Variants in AMOTL2 observed in about 807,000 individuals in gnomAD.
AMOTL2 encodes the protein angiomotin like 2.
Under a neutral mutation model 78.4 loss-of-function variants are expected in AMOTL2, and 33 were observed. That is an observed-to-expected ratio of 0.42 (90% CI 0.32 to 0.56). The LOEUF (loss-of-function observed/expected upper bound fraction) is 0.56. Among genes scored for constraint, AMOTL2 ranks in the 20% least tolerant of loss-of-function variants. The pLI is 0.12. For synonymous variants in AMOTL2, 422 were observed against 428.8 expected (o/e 0.98, Z 0.20); for missense variants, 983 against 1,030.1 (o/e 0.95, Z 0.63).
intron 5 of AMOTL2, among the ~76,000 whole-genome samples, chr3:134,365,132 T>G (rs2017546457): frequency 6.6e-6 from 1 of 152,126 alleles, no homozygotes; most frequent in Non-Finnish European, 1.5e-5. Context: ...GCTCCTTTCT[T>G]AAGCTCACCA....
rs1300106451 is a variant in AMOTL2, at chr3:134,360,145, A to T, written c.1844T>A (p.Leu615Gln). Residue 615 changes from leucine (L) to glutamine (Q), a missense_variant, in exon 7 of 10, where the codon CTG becomes CAG. Transcript: ENST00000249883. The part of the protein sequence containing the change: ...PSPSSSFNEG[L>Q]LTGGHRHQEM... ...CTGATGCCTGTGGCCACCAGTGAGC[A>T]GACCCTCATTGAAGCTGCTGCTGGG... is the stretch of plus-strand genomic sequence containing the variant. The T allele has an allele frequency of 6.2e-7, 1 of 1,613,470 alleles. No homozygotes were observed. Among genetic ancestry groups the T allele is most frequent in the Non-Finnish European group, 8.5e-7 (1 of 1,179,578 alleles).
chr3:134,359,990 G>A, intron 7 of AMOTL2, 116 bp downstream of exon 7: 2 of 1,130,606 alleles, frequency 1.8e-6, no homozygotes, highest in East Asian at 2.6e-5. Context: ...GAAGCAGGAG[G>A]GACTGCTGAG....
intron 5 of AMOTL2, among the ~76,000 whole-genome samples, chr3:134,363,837 C>T (rs1318810358): frequency 6.6e-6 from 1 of 152,170 alleles, no homozygotes; most frequent in African/African-American, 2.4e-5. Context: ...AGGAAGGGGC[C>T]GGAGGACCCA....
intron 3 of AMOTL2, among the ~76,000 whole-genome samples, chr3:134,367,007 G>A (rs996323424): frequency 1.3e-5 from 2 of 152,166 alleles, no homozygotes; most frequent in Non-Finnish European, 2.9e-5. Flanking sequence ...GCTGGGCCCC[G>A]GCTGCTCCTC....
At position 134,373,927 on chromosome 3, in the gene AMOTL2, T is replaced by C. The variant is rs371612072; in HGVS notation, c.-62+415A>G. The C allele has an allele frequency of 1.6e-5, 13 of 797,902 alleles. 1 individual carries two copies. The African/African-American group carries it at 2.1e-4, about 13-fold the overall frequency. The allele number at this position is 797,902 out of a possible 1,614,324, so 49.4% of individuals were successfully genotyped here. ...GACAAAGAGGAATTCTTGGACTAGT[T>C]GGGGGCAAAGGCACCTGTAACCCCC... On this transcript the variant is annotated intron_variant, in intron 1 of 9. Coordinates refer to ENST00000249883, the MANE Select transcript of AMOTL2 (RefSeq NM_016201.4).
At chr3:134,364,038 C>T (rs2017490409) in intron 5 of AMOTL2, among the ~76,000 whole-genome samples, 1 of 152,124 alleles carries the variant, frequency 6.6e-6, no homozygotes, top group South Asian at 2.1e-4. Context: ...AGAGGACGCC[C>T]GAAGGCCAGC....
chr3:134,366,453 AAT>A (rs2017609044), intron 3 of AMOTL2, 26 bp from the exon 4 acceptor site: 2 of 1,602,382 alleles, frequency 1.2e-6, no homozygotes, highest in East Asian at 4.5e-5. Context: ...AGCAGAGCTG[AAT>A]GAAGGCGAGA....
In AMOTL2 at chr3:134,357,898, G is replaced by A. The variant is rs144497858; in HGVS notation, c.2285-135C>T. On this transcript the variant is annotated intron_variant, in intron 9 of 9. Transcript: ENST00000249883. ...TCTGCTGCCCAGGTTCCCAGAACTC[G>A]GCCAACCAAGCACAATGCTCTGCCC... is the stretch of plus-strand genomic sequence containing the variant. 8.6e-5 allele frequency: 74 copies of A among 864,246 alleles called. No individual in the cohort carries two copies. The African/African-American group carries it at 9.8e-4, about 11-fold the overall frequency. 53.5% of individuals were successfully genotyped at this position (864,246 alleles called of 1,614,324 possible).
chr3:134,362,771 G>C (rs897387575), intron 5 of AMOTL2, among the ~76,000 whole-genome samples: 26 of 152,236 alleles, frequency 1.7e-4, no homozygotes, highest in African/African-American at 6.3e-4. Flanking sequence ...TGATGTTCTA[G>C]CCTTAAATCC....
intron 5 of AMOTL2, among the ~76,000 whole-genome samples, chr3:134,365,097 TG>T (rs2017545489): frequency 6.6e-6 from 1 of 152,142 alleles, no homozygotes; most frequent in African/African-American, 2.4e-5. Context: ...CCACCCCCGT[TG>T]TTCTTTTGCA....
intron 1 of AMOTL2, chr3:134,371,783 G>C (rs531790775): frequency 2.6e-6 from 1 of 389,786 alleles, no homozygotes; most frequent in East Asian, 4.0e-5. Context: ...GCGAGCTCCT[G>C]GCACAGTGAA....
chr3:134,374,608 C>T, upstream of AMOTL2: 1 of 985,520 alleles, frequency 1.0e-6, no homozygotes, highest in Non-Finnish European at 1.2e-6. Context: ...TCTCCCGCTC[C>T]CTCCTCCCGG....
intron 5 of AMOTL2, among the ~76,000 whole-genome samples, chr3:134,364,609 G>T (rs2017528854): frequency 6.6e-6 from 1 of 151,904 alleles, no homozygotes; most frequent in African/African-American, 2.4e-5. Context: ...AGCCAGAAGA[G>T]ACCAGCCTAC....
At chr3:134,363,667 T>C (rs978722367) in intron 5 of AMOTL2, among the ~76,000 whole-genome samples, 3 of 152,152 alleles carry the variant, frequency 2.0e-5, no homozygotes, top group African/African-American at 7.2e-5. Flanking sequence ...GGGGGCTGCG[T>C]GGCTTGCCTA....
intron 3 of AMOTL2, 101 bp from the exon 4 acceptor site, chr3:134,366,528 G>A (rs7613066): frequency 0.32 from 418,281 of 1,320,682 alleles, 70,542 homozygotes; most frequent in Non-Finnish European, 0.35. Flanking sequence ...ACAGATGAGA[G>A]GCCACCAAAC....
chr3:134,358,388 G>A (rs2017167946), intron 9 of AMOTL2, 152 bp downstream of exon 9: 2 of 930,906 alleles, frequency 2.1e-6, no homozygotes, highest in Non-Finnish European at 3.1e-6. Flanking sequence ...GGTGGGCCAG[G>A]CACCCTGCTC....
At position 134,366,292 on chromosome 3, in the gene AMOTL2, C is replaced by G. The variant is rs779108198; in HGVS notation, c.1177G>C (p.Asp393His). The change falls in exon 4 of 10, where the codon GAT becomes CAT. Residue 393 changes from aspartate to histidine, a missense_variant. Physicochemically the swap from Asp to His is moderately conservative, Grantham distance 81. Transcript: ENST00000249883. ...EMRRLQDFNRDLRERLESANR... is the reference protein window; with the variant it reads ...EMRRLQDFNRHLRERLESANR... ...TGTGACTGGCTCTCACCTCTAAGATCCCGGTTGAAGTCTTGCAGCCTCCTC... is the reference window on the plus strand; with the variant it reads ...TGTGACTGGCTCTCACCTCTAAGATGCCGGTTGAAGTCTTGCAGCCTCCTC... 11 of 1,614,096 alleles carry G rather than the reference C, an allele frequency of 6.8e-6. No individual in the cohort carries two copies. Among genetic ancestry groups the G allele is most frequent in the Non-Finnish European group, 9.3e-6 (11 of 1,179,986 alleles).
Position 134,358,620 on chromosome 3 carries a change from G to A in AMOTL2, c.2204C>T (p.Pro735Leu), listed in dbSNP as rs760059061. ...RDGSTQTEGPPDSTSTCLPPE... is the reference protein window; with the variant it reads ...RDGSTQTEGPLDSTSTCLPPE... Reference sequence around the variant, plus strand: ...TGGCAGGCAGGTGGAGGTGCTGTCTGGGGGGCCCTCAGTCTGGGTGCTCCC... The same window carrying A: ...TGGCAGGCAGGTGGAGGTGCTGTCTAGGGGGCCCTCAGTCTGGGTGCTCCC... The change falls in exon 9 of 10, where the codon CCA becomes CTA. Residue 735 changes from proline to leucine, a missense_variant. Pro to Leu is a moderately conservative substitution (Grantham distance 98). Transcript: ENST00000249883. The A allele has an allele frequency of 1.2e-6, 2 of 1,613,864 alleles. No individual in the cohort carries two copies. Among genetic ancestry groups the A allele is most frequent in the Admixed American group, 3.3e-5 (2 of 60,024 alleles).
At position 134,366,627 on chromosome 3, in the gene AMOTL2, C is replaced by T. The variant is rs138881975; in HGVS notation, c.1042-200G>A. 2,288 of 538,690 alleles carry T rather than the reference C, an allele frequency of 4.2e-3. 14 individuals are homozygous for T. The highest frequency in any genetic ancestry group is 6.2e-3 in the Non-Finnish European group (1,914 of 310,976). The allele number at this position is 538,690 out of a possible 1,614,324, so 33.4% of individuals were successfully genotyped here. The stretch of plus-strand genomic sequence containing the variant: ...ATAGACTGCTGGGACCAGCAAGCAA[C>T]GGTCCCATCGGCTGCCCCAAGGACC... On this transcript the variant is annotated intron_variant, in intron 3 of 9. Coordinates refer to ENST00000249883, the MANE Select transcript of AMOTL2 (RefSeq NM_016201.4).
Sources: allele counts gnomAD v4.1 joint callset (sites outside exome capture counted in the v4.1 genomes callset), GRCh38; gene constraint gnomAD v4.1.1; transcripts MANE v1.5; gene names NCBI Gene and HGNC (gene_info 2026-07-23, HGNC 2026-07-21).